Variants in FLT1 observed in about 807,000 individuals in gnomAD.
The protein encoded by FLT1 is vascular endothelial growth factor receptor 1.
FLT1 carries 49 observed loss-of-function variants against 156.3 expected under a neutral mutation model. That is an observed-to-expected ratio of 0.31 (90% CI 0.25 to 0.40). The LOEUF is 0.40. Ranked by LOEUF, FLT1 falls within the 10% of genes least tolerant of loss-of-function variation. The pLI is 1.00. For missense variants in FLT1, 1,322 were observed against 1,637.2 expected, an observed-to-expected ratio of 0.81 and a Z score of 3.32; for synonymous variants, 594 against 583.8, an observed-to-expected ratio of 1.02 and a Z score of -0.25.
At chr13:28,490,249 A>G (rs943650143) in intron 1 of FLT1, among the ~76,000 whole-genome samples, 4 of 152,198 alleles carry the variant, frequency 2.6e-5, no homozygotes, top group African/African-American at 9.6e-5. Flanking sequence ...AAGTTCCTCA[A>G]AGAGCTCAAA....
At chr13:28,470,985 C>A (rs536389619) in intron 1 of FLT1, among the ~76,000 whole-genome samples, 1 of 152,046 alleles carries the variant, frequency 6.6e-6, no homozygotes. Context: ...GCCACCGCGC[C>A]GCGCAAGAAG....
At chr13:28,378,893 A>G (rs1158532073) in intron 14 of FLT1, among the ~76,000 whole-genome samples, 2 of 152,224 alleles carry the variant, frequency 1.3e-5, no homozygotes, top group Non-Finnish European at 2.9e-5. Flanking sequence ...TATGTTTAAT[A>G]GAGAAGACAT....
intron 1 of FLT1, among the ~76,000 whole-genome samples, chr13:28,473,863 A>G (rs1281427384): frequency 1.3e-5 from 2 of 151,734 alleles, no homozygotes. Flanking sequence ...AGAAAGAAAG[A>G]ACCCAATGTC....
intron 3 of FLT1, among the ~76,000 whole-genome samples, chr13:28,461,924 A>G (rs1319709372): frequency 1.3e-5 from 2 of 152,216 alleles, no homozygotes; most frequent in African/African-American, 4.8e-5. Flanking sequence ...GCTCCAACCC[A>G]TTGACTTTAA....
chr13:28,303,505 C>A (rs1443354181), intron 29 of FLT1, 137 bp from the exon 30 acceptor site: 2 of 709,574 alleles, frequency 2.8e-6, no homozygotes, highest in Non-Finnish European at 4.8e-6. Flanking sequence ...CCCCCCCCCT[C>A]AATTGCTGTC....
chr13:28,313,888 TAAAAA>T (rs779467248), intron 25 of FLT1, among the ~76,000 whole-genome samples: 5 of 70,606 alleles, frequency 7.1e-5, no homozygotes, highest in African/African-American at 6.6e-5. Context: ...TACAGGGAGG[TAAAAA>T]AAAAAAAAAA....
chr13:28,415,480 TTAATAATAA>T (rs369880174), intron 10 of FLT1, among the ~76,000 whole-genome samples: 9 of 151,398 alleles, frequency 5.9e-5, no homozygotes, highest in African/African-American at 1.9e-4. Flanking sequence ...AAACTCCATC[TTAATAATAA>T]TAATAATAAT....
At chr13:28,478,348 A>G (rs879843145) in intron 1 of FLT1, among the ~76,000 whole-genome samples, 14 of 152,208 alleles carry the variant, frequency 9.2e-5, no homozygotes, top group Non-Finnish European at 1.5e-4. Context: ...CAGATATTTT[A>G]CCAAATACTC....
At chr13:28,470,509 G>A (rs935458914) in intron 1 of FLT1, among the ~76,000 whole-genome samples, 11 of 152,112 alleles carry the variant, frequency 7.2e-5, no homozygotes, top group Admixed American at 2.0e-4. Context: ...GAGCGCTCCC[G>A]TCCAGGAAAA....
intron 6 of FLT1, among the ~76,000 whole-genome samples, chr13:28,433,433 A>T (rs1446677922): frequency 6.6e-6 from 1 of 152,216 alleles, no homozygotes; most frequent in Non-Finnish European, 1.5e-5. Context: ...TGACAGAGAC[A>T]GCCTCCTGGA....
intron 10 of FLT1, among the ~76,000 whole-genome samples, chr13:28,414,044 G>A (rs1876493994): frequency 1.3e-5 from 2 of 152,160 alleles, no homozygotes; most frequent in South Asian, 4.1e-4. Context: ...AATAAATTCT[G>A]CTTTGGTGCT....
chr13:28,356,567 C>T (rs1565983888), intron 15 of FLT1, among the ~76,000 whole-genome samples: 1 of 152,160 alleles, frequency 6.6e-6, no homozygotes, highest in Non-Finnish European at 1.5e-5. Flanking sequence ...TTAAAATCAT[C>T]TCCTTGTGAA....
In FLT1 at chr13:28,361,285, C is replaced by CA. The variant is rs797012838; in HGVS notation, c.2117-3601dup. ...CAGAGCAAGACTCCATCTCAAAAAA[C>CA]AAAAAAAAAAGAAATGTAAAAAACA... On this transcript the variant is annotated intron_variant, in intron 14 of 29. Coordinates refer to ENST00000282397, the MANE Select transcript of FLT1 (RefSeq NM_002019.4). Among the ~76,000 whole-genome samples the CA allele has an allele frequency of 9.1e-3, 1,328 of 146,238 alleles. 13 individuals are homozygous for CA. The highest frequency in any genetic ancestry group is 0.031 in the African/African-American group (1,230 of 40,100).
In FLT1 at chr13:28,495,051, C is replaced by A; in HGVS notation, c.-208G>T. The A allele has an allele frequency of 4.2e-6, 2 of 473,424 alleles. No individual in the cohort carries two copies. The highest frequency in any genetic ancestry group is 7.7e-5 in the South Asian group (2 of 26,096). 29.3% of individuals were successfully genotyped at this position (473,424 alleles called of 1,614,324 possible). On this transcript the variant is annotated 5_prime_UTR_variant, in exon 1 of 30. Coordinates refer to ENST00000282397, the MANE Select transcript of FLT1 (RefSeq NM_002019.4). This position sits in a 1 kb window ranked among gnomAD's most constrained non-coding sequence, Gnocchi z 4.1. Reference sequence around the variant, plus strand: ...CTGCACCCGAGCCCCGGAGCCCGCTCCGAGCCGCCGCCGCTGCCGGGGAGG... The same window carrying A: ...CTGCACCCGAGCCCCGGAGCCCGCTACGAGCCGCCGCCGCTGCCGGGGAGG...
intron 19 of FLT1, among the ~76,000 whole-genome samples, chr13:28,327,873 C>T (rs909716865): frequency 6.6e-6 from 1 of 152,086 alleles, no homozygotes; most frequent in Non-Finnish European, 1.5e-5. Context: ...AGCCTCCCTG[C>T]CTCTTAACCA....
At position 28,413,063 on chromosome 13, in the gene FLT1, G is replaced by A. The variant is rs997683651; in HGVS notation, c.1437-7169C>T. On this transcript the variant is annotated intron_variant, in intron 10 of 29. Transcript: ENST00000282397. Reference sequence around the variant, plus strand: ...CTTGTGCAGTGAGAGACCTTGTGACGCCTTGGAGCTCATACTGAAAATTAC... The same window carrying A: ...CTTGTGCAGTGAGAGACCTTGTGACACCTTGGAGCTCATACTGAAAATTAC... Among the ~76,000 whole-genome samples the A allele has an allele frequency of 3.3e-5, 5 of 151,994 alleles. No individual in the cohort carries two copies. The East Asian group carries it at 7.8e-4, about 24-fold the overall frequency.
chr13:28,444,966 T>C (rs536681001), intron 3 of FLT1, among the ~76,000 whole-genome samples: 8 of 152,104 alleles, frequency 5.3e-5, no homozygotes, highest in South Asian at 4.1e-4. Flanking sequence ...CCTTAGAACA[T>C]TGAGTAAAGA....
At chr13:28,410,583 A>G (rs1876104656) in intron 10 of FLT1, among the ~76,000 whole-genome samples, 1 of 152,234 alleles carries the variant, frequency 6.6e-6, no homozygotes, top group African/African-American at 2.4e-5. Flanking sequence ...TTTTTTTAAA[A>G]GGATCCTCTT....
chr13:28,385,493 G>C, intron 13 of FLT1: 2 of 1,009,426 alleles, frequency 2.0e-6, no homozygotes, highest in Non-Finnish European at 2.4e-6. Context: ...GGGCGTGTTT[G>C]TGTTACTCAA....
Sources: gnomAD v4.1 joint callset for allele counts (sites outside exome capture counted in the v4.1 genomes callset) on GRCh38, gnomAD v4.1.1 for gene constraint, Gnocchi (gnomAD v3.1) non-coding constraint, MANE v1.5 for transcripts, NCBI Gene and HGNC (gene_info 2026-07-23, HGNC 2026-07-21) for gene names.